The following CLHC1 variants were observed in gnomAD, a reference collection of about 807,000 sequenced individuals.
The protein encoded by CLHC1 is clathrin heavy chain linker domain-containing protein 1.
Under a neutral mutation model 69.5 loss-of-function variants are expected in CLHC1, and 72 were observed. The ratio of observed to expected loss-of-function variants is 1.04; its 90% CI spans 0.86 to 1.26. CLHC1 has a LOEUF of 1.26. Ranked by LOEUF, CLHC1 falls within the 50% of genes most tolerant of loss-of-function variation. The pLI, the probability that CLHC1 is intolerant of heterozygous loss-of-function variation, is 0.00. For synonymous variants in CLHC1, 223 were observed against 224.3 expected (o/e 0.99, Z 0.05); for missense variants, 790 against 679.3 (o/e 1.16, Z -1.81).
At chr2:55,209,903 A>T in intron 5 of CLHC1, 72 bp from the exon 6 acceptor site, 3 of 927,646 alleles carry the variant, frequency 3.2e-6, no homozygotes, top group Non-Finnish European at 5.1e-6. Flanking sequence ...AGCAAGTCTT[A>T]GAAAGACAGT....
intron 5 of CLHC1, among the ~76,000 whole-genome samples, chr2:55,210,397 T>G (rs531540238): frequency 6.6e-6 from 1 of 151,780 alleles, no homozygotes; most frequent in Non-Finnish European, 1.5e-5. Flanking sequence ...GGTTTCACCA[T>G]GTTGGCCAGG....
At chr2:55,196,362 C>G (rs765128477) in intron 9 of CLHC1, among the ~76,000 whole-genome samples, 1 of 151,916 alleles carries the variant, frequency 6.6e-6, no homozygotes, top group Non-Finnish European at 1.5e-5. Flanking sequence ...ATGATGTGGC[C>G]GAAGGAGTGT....
At chr2:55,230,371 T>C (rs969191764) in intron 1 of CLHC1, among the ~76,000 whole-genome samples, 10 of 152,170 alleles carry the variant, frequency 6.6e-5, no homozygotes, top group Admixed American at 2.6e-4. Flanking sequence ...TATATAAACA[T>C]GGGAAGAGCA....
chr2:55,217,570 T>C (rs868137761), intron 4 of CLHC1, among the ~76,000 whole-genome samples: 3 of 115,236 alleles, frequency 2.6e-5, no homozygotes, highest in African/African-American at 6.9e-5. Flanking sequence ...TATATATATA[T>C]ATATATATAT....
chr2:55,211,160 A>G (rs1425643767), intron 5 of CLHC1, among the ~76,000 whole-genome samples: 1 of 152,122 alleles, frequency 6.6e-6, no homozygotes, highest in Non-Finnish European at 1.5e-5. Flanking sequence ...TACTGTACTT[A>G]TTAATATGTA....
intron 9 of CLHC1, among the ~76,000 whole-genome samples, chr2:55,202,199 A>G (rs1266347703): frequency 6.6e-6 from 1 of 151,570 alleles, no homozygotes; most frequent in Middle Eastern, 3.2e-3. Context: ...GGGCATCCAA[A>G]TTGGAAAGGA....
intron 1 of CLHC1, among the ~76,000 whole-genome samples, chr2:55,229,317 C>T (rs1675036793): frequency 6.6e-6 from 1 of 151,832 alleles, no homozygotes; most frequent in South Asian, 2.1e-4. Flanking sequence ...TCAGGAAAGA[C>T]AAAAGAGCTT....
At chr2:55,222,938 A>G (rs895967866) in intron 2 of CLHC1, among the ~76,000 whole-genome samples, 9 of 151,260 alleles carry the variant, frequency 6.0e-5, no homozygotes, top group Non-Finnish European at 1.2e-4. Flanking sequence ...AAAAAAAAAA[A>G]AAAAGTCTAT....
chr2:55,172,621 C>G lies in CLHC1; in HGVS notation c.*3169G>C, dbSNP rs911479044. On this transcript the variant is annotated 3_prime_UTR_variant, in exon 13 of 13. Transcript: ENST00000401408. ...CTACTAGCAAACTGACAGCTTTATA[C>G]ACCGAACATTTGTTAAATGCCATTT... 1.8e-4 allele frequency among the ~76,000 whole-genome samples: 27 copies of G among 150,570 alleles called. No homozygotes were observed. Among genetic ancestry groups the G allele is most frequent in the Admixed American group, 1.7e-3 (25 of 15,126 alleles).
rs1669155849 is a variant in CLHC1 at position 55,173,831 on chromosome 2, G to C, written c.*1959C>G. Among the ~76,000 whole-genome samples the C allele has an allele frequency of 6.6e-6, 1 of 152,130 alleles. No homozygotes were observed. The highest frequency in any genetic ancestry group is 1.5e-5 in the Non-Finnish European group (1 of 68,026). ...TGCCAAAGGCAATGCTAACTGAGAA[G>C]GAGTAATAATGAGAAAAGGAAAAAC... is the stretch of plus-strand genomic sequence containing the variant. On this transcript the variant is annotated 3_prime_UTR_variant, in exon 13 of 13. Coordinates refer to ENST00000401408, the MANE Select transcript of CLHC1 (RefSeq NM_152385.4).
intron 9 of CLHC1, among the ~76,000 whole-genome samples, chr2:55,197,626 G>T (rs531465895): frequency 1.3e-5 from 2 of 152,126 alleles, no homozygotes; most frequent in African/African-American, 2.4e-5. Context: ...ATCCAAAACC[G>T]CAAAGGTGGT....
At chr2:55,204,583 G>A (rs1360828774) in intron 9 of CLHC1, among the ~76,000 whole-genome samples, 1 of 152,064 alleles carries the variant, frequency 6.6e-6, no homozygotes, top group Admixed American at 6.6e-5. Context: ...GAAAACTTGG[G>A]TTACCATATG....
At chr2:55,192,506 G>A (rs1353002950) in intron 9 of CLHC1, among the ~76,000 whole-genome samples, 1 of 152,084 alleles carries the variant, frequency 6.6e-6, no homozygotes, top group Non-Finnish European at 1.5e-5. Context: ...TTAAAAGTTA[G>A]AGGACTGAAG....
At position 55,193,215 on chromosome 2, in the gene CLHC1, G is replaced by A. The variant is rs543143851; in HGVS notation, c.1007-11471C>T. On this transcript the variant is annotated intron_variant, in intron 9 of 12. Transcript: ENST00000401408. The stretch of plus-strand genomic sequence containing the variant: ...ACAGATCTCTATGATCTTAAGTTAG[G>A]CAAAGATTTCATAGCTACAACACAA... Among the ~76,000 whole-genome samples, 96 of 152,120 alleles carry A rather than the reference G, an allele frequency of 6.3e-4. 1 individual carries two copies. The highest frequency in any genetic ancestry group is 2.3e-3 in the African/African-American group (94 of 41,486).
intron 5 of CLHC1, 48 bp downstream of exon 5, chr2:55,212,625 T>C (rs754885201): frequency 6.8e-7 from 1 of 1,461,092 alleles, no homozygotes; most frequent in Admixed American, 1.8e-5. Context: ...AGGTAAAAAT[T>C]GGAAATAATC....
In CLHC1 at chr2:55,215,723, G is replaced by A. The variant is rs190618474; in HGVS notation, c.365+2088C>T. On this transcript the variant is annotated intron_variant, in intron 4 of 12. Coordinates refer to ENST00000401408, the MANE Select transcript of CLHC1 (RefSeq NM_152385.4). ...GGCTGTGCTTTTTATTCTGCATGCC[G>A]TAGTAAAAACTGAAAATTATGGTCA... Among the ~76,000 whole-genome samples the A allele has an allele frequency of 6.6e-5, 10 of 152,220 alleles. No homozygotes were observed. The South Asian group carries it at 8.3e-4, about 13-fold the overall frequency.
intron 9 of CLHC1, among the ~76,000 whole-genome samples, chr2:55,204,902 C>T (rs1033431511): frequency 6.6e-6 from 1 of 151,942 alleles, no homozygotes; most frequent in East Asian, 1.9e-4. Context: ...CTCATGAACA[C>T]AGTAGAAGGA....
Position 55,209,735 on chromosome 2 carries a change from A to G in CLHC1, c.596T>C (p.Ile199Thr), listed in dbSNP as rs1672797953. 6.2e-7 allele frequency: 1 copy of G among 1,612,954 alleles called. No homozygotes were observed. Among genetic ancestry groups the G allele is most frequent in the Non-Finnish European group, 8.5e-7 (1 of 1,179,204 alleles). ...CTTCCTCTGAGCTGGCACATATTTT[A>G]TCAACATAGCTTGTTTAATTTCTGC... is the stretch of plus-strand genomic sequence containing the variant. ...KYAEIKQAML[I>T]KYVPAQRKAD... Residue 199 changes from isoleucine (I) to threonine (T), a missense_variant, in exon 6 of 13, where the codon ATA (isoleucine) becomes ACA (threonine). Coordinates refer to ENST00000401408, the MANE Select transcript of CLHC1 (RefSeq NM_152385.4).
At position 55,209,747 on chromosome 2, in the gene CLHC1, T is replaced by G. The variant is rs373156449; in HGVS notation, c.584A>C (p.Gln195Pro). 1.7e-5 allele frequency: 27 copies of G among 1,612,222 alleles called. No homozygotes were observed. In the African/African-American group the frequency reaches 3.6e-4, roughly 22 times the overall value. The change falls in exon 6 of 13, where the codon CAA (glutamine) becomes CCA (proline). Residue 195 changes from glutamine (Q) to proline (P), a missense_variant. Physicochemically the swap from Gln to Pro is moderately conservative, Grantham distance 76. Coordinates refer to ENST00000401408, the MANE Select transcript of CLHC1 (RefSeq NM_152385.4). ...HLEDKYAEIK[Q>P]AMLIKYVPAQ... The stretch of plus-strand genomic sequence containing the variant: ...TGGCACATATTTTATCAACATAGCT[T>G]GTTTAATTTCTGCATATTTATCTTC...
Sources: allele counts gnomAD v4.1 joint callset (sites outside exome capture counted in the v4.1 genomes callset), GRCh38; gene constraint gnomAD v4.1.1; transcripts MANE v1.5; gene names NCBI Gene and HGNC (gene_info 2026-07-23, HGNC 2026-07-21).